Variants in INPP4B observed in about 807,000 individuals in gnomAD.
INPP4B encodes the protein inositol polyphosphate-4-phosphatase type II B, also known as inositol polyphosphate 4-phosphatase type II.
In INPP4B, 55 loss-of-function variants were observed where a neutral mutation model predicts 122.5. That is an observed-to-expected ratio of 0.45 (90% confidence interval 0.36 to 0.56). The LOEUF (loss-of-function observed/expected upper bound fraction) is 0.56. Among genes scored for constraint, INPP4B ranks in the 20% least tolerant of loss-of-function variants. The pLI is 0.00. For missense variants in INPP4B, 1,000 were observed against 1,097.7 expected (o/e 0.91, Z 1.26); for synonymous variants, 403 against 388.7 (o/e 1.04, Z -0.43).
At position 142,690,412 on chromosome 4, in the gene INPP4B, G is replaced by A. The variant is rs116831486; in HGVS notation, c.-191+35427C>T. On this transcript the variant is annotated intron_variant, in intron 2 of 25. Coordinates refer to ENST00000262992, the MANE Select transcript of INPP4B (RefSeq NM_001101669.3). ...ACAGACAACATATTTTTATAGAAATGTAAAAGCCTTTTAATTTCTGCTTCC... is the reference window on the plus strand; with the variant it reads ...ACAGACAACATATTTTTATAGAAATATAAAAGCCTTTTAATTTCTGCTTCC... Among the ~76,000 whole-genome samples the A allele has an allele frequency of 7.7e-3, 1,177 of 152,236 alleles. 20 individuals carry two copies. Among genetic ancestry groups the A allele is most frequent in the African/African-American group, 0.027 (1,129 of 41,526 alleles).
chr4:142,762,044 G>A (rs1373720989), intron 1 of INPP4B, among the ~76,000 whole-genome samples: 1 of 151,924 alleles, frequency 6.6e-6, no homozygotes. Context: ...GCCATGGCTT[G>A]GAGTTGACTG....
intron 2 of INPP4B, among the ~76,000 whole-genome samples, chr4:142,605,577 T>C (rs1375627551): frequency 6.6e-6 from 1 of 151,644 alleles, no homozygotes; most frequent in Admixed American, 6.6e-5. Context: ...AACATCTCAA[T>C]AGTACAAAAA....
chr4:142,498,513 G>A (rs765197943), intron 2 of INPP4B, among the ~76,000 whole-genome samples: 1 of 152,072 alleles, frequency 6.6e-6, no homozygotes, highest in African/African-American at 2.4e-5. Context: ...TTTAGGCCAG[G>A]TGTGGTGGCT....
intron 1 of INPP4B, among the ~76,000 whole-genome samples, chr4:142,746,064 A>C (rs1768695247): frequency 6.6e-6 from 1 of 151,986 alleles, no homozygotes; most frequent in Non-Finnish European, 1.5e-5. Flanking sequence ...TTAAGAAAAA[A>C]ATCTGAATAA....
chr4:142,362,425 T>C (rs1170084980), intron 7 of INPP4B, among the ~76,000 whole-genome samples: 3 of 151,962 alleles, frequency 2.0e-5, no homozygotes, highest in African/African-American at 7.2e-5. Flanking sequence ...AAGGATATGG[T>C]ATCTTACATA....
At chr4:142,218,058 G>GTA (rs1848038835) in intron 12 of INPP4B, among the ~76,000 whole-genome samples, 1 of 151,894 alleles carries the variant, frequency 6.6e-6, no homozygotes, top group Non-Finnish European at 1.5e-5. Flanking sequence ...GTGTGTGTGT[G>GTA]TGTTCTATTC....
intron 2 of INPP4B, among the ~76,000 whole-genome samples, chr4:142,717,638 G>A (rs986203847): frequency 2.6e-5 from 4 of 152,104 alleles, no homozygotes; most frequent in Non-Finnish European, 5.9e-5. Context: ...ACTATCACAA[G>A]GACAGAAAAC....
At chr4:142,401,779 G>A (rs1448199629) in intron 7 of INPP4B, among the ~76,000 whole-genome samples, 1 of 152,106 alleles carries the variant, frequency 6.6e-6, no homozygotes, top group Non-Finnish European at 1.5e-5. Flanking sequence ...CAGAAAATAT[G>A]GCTCAGAATC....
intron 2 of INPP4B, among the ~76,000 whole-genome samples, chr4:142,596,521 C>T (rs1738730277): frequency 6.6e-6 from 1 of 152,190 alleles, no homozygotes; most frequent in African/African-American, 2.4e-5. Flanking sequence ...ATCCAAAAAA[C>T]CCACAAACCT....
At chr4:142,672,453 T>G (rs1407533679) in intron 2 of INPP4B, among the ~76,000 whole-genome samples, 2 of 152,040 alleles carry the variant, frequency 1.3e-5, no homozygotes, top group African/African-American at 4.8e-5. Context: ...GTTTCAGACA[T>G]TAGTTGATTT....
intron 12 of INPP4B, among the ~76,000 whole-genome samples, chr4:142,228,891 T>C (rs1427475809): frequency 6.6e-6 from 1 of 151,624 alleles, no homozygotes; most frequent in Non-Finnish European, 1.5e-5. Flanking sequence ...AATAAATATA[T>C]AGATAAATGT....
At chr4:142,761,607 C>T (rs1400160456) in intron 1 of INPP4B, among the ~76,000 whole-genome samples, 1 of 152,096 alleles carries the variant, frequency 6.6e-6, no homozygotes, top group Non-Finnish European at 1.5e-5. Flanking sequence ...TAAAGCCCAA[C>T]CTATAATAGA....
chr4:142,633,895 A>T (rs1255856897), intron 2 of INPP4B, among the ~76,000 whole-genome samples: 1 of 152,050 alleles, frequency 6.6e-6, no homozygotes, highest in East Asian at 1.9e-4. Context: ...GGGCATGGTG[A>T]TGTGCCCATA....
intron 25 of INPP4B, among the ~76,000 whole-genome samples, chr4:142,077,741 G>T (rs1771595877): frequency 6.6e-6 from 1 of 151,406 alleles, no homozygotes; most frequent in African/African-American, 2.4e-5. Flanking sequence ...TACAACTTGT[G>T]CCATAGGTGA....
chr4:142,333,451 A>C (rs979541177), intron 7 of INPP4B, among the ~76,000 whole-genome samples: 1 of 152,232 alleles, frequency 6.6e-6, no homozygotes, highest in South Asian at 2.1e-4. Flanking sequence ...TCTCGCTTTT[A>C]TCTCTCATAT....
At chr4:142,081,626 T>C (rs1471497572) in intron 25 of INPP4B, among the ~76,000 whole-genome samples, 2 of 152,132 alleles carry the variant, frequency 1.3e-5, no homozygotes, top group Non-Finnish European at 2.9e-5. Context: ...AATGAGTTAG[T>C]TTAATTTTGC....
chr4:142,172,828 A>G (rs1225110101), intron 16 of INPP4B, among the ~76,000 whole-genome samples: 1 of 152,112 alleles, frequency 6.6e-6, no homozygotes, highest in Non-Finnish European at 1.5e-5. Flanking sequence ...CAGTTTCTCC[A>G]ACGGCATATT....
Position 142,187,560 on chromosome 4 carries a change from C to CAT in INPP4B, c.1181+5525_1181+5526dup, listed in dbSNP as rs202171721. 7.0e-3 allele frequency among the ~76,000 whole-genome samples: 1,062 copies of CAT among 150,722 alleles called. 8 individuals carry two copies. The highest frequency in any genetic ancestry group is 0.037 in the South Asian group (175 of 4,736). Reference sequence around the variant, plus strand: ...TATAAATATATATACATTTGCATACCATATATATATACACACATACACACA... The same window carrying CAT: ...TATAAATATATATACATTTGCATACCATATATATATATACACACATACACACA... On this transcript the variant is annotated intron_variant, in intron 15 of 25. Coordinates refer to ENST00000262992, the MANE Select transcript of INPP4B (RefSeq NM_001101669.3).
intron 7 of INPP4B, among the ~76,000 whole-genome samples, chr4:142,343,043 T>G (rs2151714843): frequency 6.6e-6 from 1 of 152,248 alleles, no homozygotes; most frequent in South Asian, 2.1e-4. Context: ...TGACTAGTAC[T>G]TCAAGTGAAT....
Sources: gnomAD v4.1 joint callset for allele counts (sites outside exome capture counted in the v4.1 genomes callset) on GRCh38, gnomAD v4.1.1 for gene constraint, MANE v1.5 for transcripts, NCBI Gene and HGNC (gene_info 2026-07-23, HGNC 2026-07-21) for gene names.